NAPG: variants seen among roughly 807,000 people sequenced by gnomAD.
NAPG encodes NSF attachment protein gamma.
In NAPG, 25 loss-of-function variants were observed where a neutral mutation model predicts 48.4. That is an observed-to-expected ratio of 0.52 (90% confidence interval 0.38 to 0.72). The LOEUF (loss-of-function observed/expected upper bound fraction) is 0.72. Among genes scored for constraint, NAPG ranks in the 30% least tolerant of loss-of-function variants. The probability of loss-of-function intolerance (pLI) is 0.00; values close to 1 mark genes in which losing one functional copy is unlikely to be tolerated. For synonymous variants in NAPG, 139 were observed against 127.2 expected (o/e 1.09, Z -0.62); for missense variants, 359 against 372.5 (o/e 0.96, Z 0.30).
At chr18:10,526,367 G>A (rs947326085) in intron 1 of NAPG, 14 of 559,126 alleles carry the variant, frequency 2.5e-5, no homozygotes, top group Non-Finnish European at 4.4e-5. Flanking sequence ...AAGCGCCGTG[G>A]GTCCACCCCG....
At chr18:10,533,344 G>C (rs2031968861) in intron 3 of NAPG, 192 bp from the exon 4 acceptor site, 1 of 448,812 alleles carries the variant, frequency 2.2e-6, no homozygotes, top group Non-Finnish European at 3.9e-6. Context: ...TTTTGTTAGT[G>C]GTTTTGGGAA....
chr18:10,535,448 A>G (rs931053180), intron 5 of NAPG, among the ~76,000 whole-genome samples: 4 of 152,336 alleles, frequency 2.6e-5, no homozygotes, highest in Non-Finnish European at 4.4e-5. Flanking sequence ...AGAAATGCCA[A>G]TTATCTAAAT....
At chr18:10,549,989 G>A (rs2032352876) in intron 11 of NAPG, 88 bp from the exon 12 acceptor site, 3 of 1,359,010 alleles carry the variant, frequency 2.2e-6, no homozygotes, top group African/African-American at 3.0e-5. Context: ...CTGAGGGTGG[G>A]GAGCCAGGCT....
chr18:10,535,395 G>A (rs1258960251), intron 5 of NAPG, among the ~76,000 whole-genome samples: 4 of 151,948 alleles, frequency 2.6e-5, no homozygotes, highest in African/African-American at 7.2e-5. Flanking sequence ...GTCTATCATC[G>A]AGAGAGAGAG....
intron 1 of NAPG, among the ~76,000 whole-genome samples, chr18:10,527,476 C>G (rs1238134489): frequency 6.6e-6 from 1 of 152,096 alleles, no homozygotes; most frequent in African/African-American, 2.4e-5. Context: ...GCAGGAGGTT[C>G]CCACAACATT....
chr18:10,539,674 T>TA lies in NAPG; in HGVS notation c.259-82dup. Reference sequence around the variant, plus strand: ...TGCACATGTGTCCCAGAACTTAAAATAAAAAATAATTGCATTTCAGATTGT... The same window carrying TA: ...TGCACATGTGTCCCAGAACTTAAAATAAAAAAATAATTGCATTTCAGATTGT... On this transcript the variant is annotated intron_variant, in intron 5 of 11. Transcript: ENST00000322897. The surrounding 1 kb of genome is among the most constrained non-coding windows in gnomAD (Gnocchi z 4.7). 3 of 1,094,306 alleles carry TA rather than the reference T, an allele frequency of 2.7e-6. No individual in the cohort carries two copies. Among genetic ancestry groups the TA allele is most frequent in the South Asian group, 2.7e-5 (2 of 73,770 alleles). 67.8% of individuals were successfully genotyped at this position (1,094,306 alleles called of 1,614,324 possible).
rs970257733 is a variant in NAPG at position 10,552,445 on chromosome 18, A to G, written c.*2225A>G. ...ATCTTGAGAGCATAGTCCAAAGTGC[A>G]AAACTTGGTGTTTACAAGGAAAATT... On this transcript the variant is annotated 3_prime_UTR_variant, in exon 12 of 12. Transcript: ENST00000322897. 3.9e-5 allele frequency: 6 copies of G among 152,260 alleles called. No individual in the cohort carries two copies. The highest frequency in any genetic ancestry group is 9.6e-5 in the African/African-American group (4 of 41,466). 9.4% of individuals were successfully genotyped at this position (152,260 alleles called of 1,614,324 possible). A position where few individuals can be genotyped will look rare whatever the true frequency, so the allele number is the denominator to read the frequency against.
chr18:10,550,398 A>G lies in NAPG; in HGVS notation c.*178A>G. On this transcript the variant is annotated 3_prime_UTR_variant, in exon 12 of 12. Coordinates refer to ENST00000322897, the MANE Select transcript of NAPG (RefSeq NM_003826.3). ...TCACTCATTGTATCCATTACCTGTG[A>G]AGCATATCTTTTTCTTTCCATAAGA... The G allele has an allele frequency of 1.8e-6, 1 of 556,084 alleles. No homozygotes were observed. The highest frequency in any genetic ancestry group is 2.9e-6 in the Non-Finnish European group (1 of 344,146). 34.4% of individuals were successfully genotyped at this position (556,084 alleles called of 1,614,324 possible). A position where few individuals can be genotyped will look rare whatever the true frequency, so the allele number is the denominator to read the frequency against.
chr18:10,526,240 G>GTTCCCCC, intron 1 of NAPG, 82 bp downstream of exon 1: 3 of 796,778 alleles, frequency 3.8e-6, no homozygotes, highest in East Asian at 3.5e-5. Flanking sequence ...CGGGGGGGGC[G>GTTCCCCC]GGAGGGAGGG....
rs1555612344 is a variant in NAPG, at chr18:10,527,202, A to AAG, written c.56+1045_56+1046insGA. On this transcript the variant is annotated intron_variant, in intron 1 of 11. Transcript: ENST00000322897. Reference sequence around the variant, plus strand: ...GACTCCGTCTCAAAAAAAAAAAAAAAAAAGAAAAGAAAAAGTCAGCATTGT... The same window carrying AAG: ...GACTCCGTCTCAAAAAAAAAAAAAAAAGAAAGAAAAGAAAAAGTCAGCATTGT... Among the ~76,000 whole-genome samples the AAG allele has an allele frequency of 2.4e-5, 3 of 123,412 alleles. 1 individual carries two copies. Among genetic ancestry groups the AAG allele is most frequent in the Middle Eastern group, 0.01 (2 of 200 alleles). The allele number at this position is 123,412 out of a possible 152,430, so 81.0% of individuals were successfully genotyped here. A position where few individuals can be genotyped will look rare whatever the true frequency, so the allele number is the denominator to read the frequency against.
At position 10,550,818 on chromosome 18, in the gene NAPG, A is replaced by G. The variant is rs1475460168; in HGVS notation, c.*598A>G. On this transcript the variant is annotated 3_prime_UTR_variant, in exon 12 of 12. Transcript: ENST00000322897. The stretch of plus-strand genomic sequence containing the variant: ...AAGCTCTTATATATTATGAGTTTGA[A>G]AAATTTTGAAGGTAGCATATTGAAG... 2.0e-5 allele frequency: 3 copies of G among 152,200 alleles called. No homozygotes were observed. Among genetic ancestry groups the G allele is most frequent in the Non-Finnish European group, 4.4e-5 (3 of 68,066 alleles). The allele number at this position is 152,200 out of a possible 1,614,324, so 9.4% of individuals were successfully genotyped here.
rs757736831 is a variant in NAPG at position 10,539,905 on chromosome 18, G to A, written c.368+34G>A. 8 of 1,611,184 alleles carry A rather than the reference G, an allele frequency of 5.0e-6. No individual in the cohort carries two copies. In the South Asian group the frequency reaches 7.7e-5, roughly 16 times the overall value. On this transcript the variant is annotated intron_variant, in intron 6 of 11. Coordinates refer to ENST00000322897, the MANE Select transcript of NAPG (RefSeq NM_003826.3). The surrounding 1 kb of genome is among the most constrained non-coding windows in gnomAD (Gnocchi z 4.7). ...GAGATGGACAAGTCTCTGCATAGAA[G>A]TCTTGTCTTTTTGTTTTAAAGAGGT... is the stretch of plus-strand genomic sequence containing the variant.
At chr18:10,533,939 G>A (rs183494289) in intron 4 of NAPG, among the ~76,000 whole-genome samples, 5 of 152,284 alleles carry the variant, frequency 3.3e-5, no homozygotes, top group African/African-American at 1.2e-4. Flanking sequence ...GAGGTCAGGA[G>A]TTCAAGACCA....
At chr18:10,526,252 T>G in intron 1 of NAPG, 94 bp downstream of exon 1, 2 of 730,650 alleles carry the variant, frequency 2.7e-6, no homozygotes, top group East Asian at 3.8e-5. Flanking sequence ...GAGGGAGGGC[T>G]CAGGGCTGAG....
chr18:10,531,120 C>T (rs2031919866), intron 2 of NAPG, among the ~76,000 whole-genome samples: 1 of 152,132 alleles, frequency 6.6e-6, no homozygotes, highest in African/African-American at 2.4e-5. Flanking sequence ...TATTCTTTAA[C>T]TCCAGTTATT....
intron 1 of NAPG, 73 bp downstream of exon 1, chr18:10,526,231 G>GC: frequency 1.1e-6 from 1 of 915,050 alleles, no homozygotes; most frequent in Non-Finnish European, 1.7e-6. Flanking sequence ...CTTAGCACCC[G>GC]GGGGGGGCGG....
intron 1 of NAPG, among the ~76,000 whole-genome samples, chr18:10,529,180 G>T (rs182591880): frequency 6.6e-6 from 1 of 152,134 alleles, no homozygotes; most frequent in African/African-American, 2.4e-5. Flanking sequence ...CGGAGTGATT[G>T]TATCTTGTTT....
chr18:10,540,097 T>G, intron 7 of NAPG, 43 bp downstream of exon 7: 1 of 1,447,278 alleles, frequency 6.9e-7, no homozygotes. Context: ...CTTAGAATGT[T>G]TAGATTAATA....
intron 5 of NAPG, among the ~76,000 whole-genome samples, chr18:10,535,705 G>A (rs2032017654): frequency 6.6e-6 from 1 of 152,220 alleles, no homozygotes; most frequent in Non-Finnish European, 1.5e-5. Context: ...AGTTTGCAGT[G>A]AGCCGAGATC....
Sources: allele counts gnomAD v4.1 joint callset (sites outside exome capture counted in the v4.1 genomes callset), GRCh38; gene constraint gnomAD v4.1.1; non-coding constraint Gnocchi (gnomAD v3.1); transcripts MANE v1.5; gene names NCBI Gene and HGNC (gene_info 2026-07-23, HGNC 2026-07-21).